Variants in ZNF280D observed in about 807,000 individuals in gnomAD.
ZNF280D encodes the protein suppressor of hairy wing homolog 4.
ZNF280D carries 39 observed loss-of-function variants against 94.7 expected under a neutral mutation model. The observed-to-expected ratio is 0.41, with a 90% CI of 0.32 to 0.54. The LOEUF (loss-of-function observed/expected upper bound fraction) is 0.54. ZNF280D is among the 20% of genes least tolerant of loss of function. The pLI is 0.22. For synonymous variants in ZNF280D, 398 were observed against 377.6 expected (o/e 1.05, Z -0.63); for missense variants, 1,090 against 1,149.3 (o/e 0.95, Z 0.75).
At chr15:56,653,834 T>C in intron 19 of ZNF280D, 1 of 1,244,952 alleles carries the variant, frequency 8.0e-7, no homozygotes, top group Admixed American at 4.1e-5. Flanking sequence ...CAGCGCAAAC[T>C]GGAGAAAAAA....
chr15:56,710,671 T>A (rs1445170461), intron 1 of ZNF280D, among the ~76,000 whole-genome samples: 1 of 152,064 alleles, frequency 6.6e-6, no homozygotes, highest in African/African-American at 2.4e-5. Flanking sequence ...TAAAAAAAAT[T>A]AGAAATCAAT....
chr15:56,677,292 C>T (rs770789789), intron 12 of ZNF280D, among the ~76,000 whole-genome samples: 5 of 152,262 alleles, frequency 3.3e-5, no homozygotes, highest in Non-Finnish European at 7.4e-5. Context: ...TATCTAACAG[C>T]ACTTTGTATT....
At chr15:56,684,238 G>C (rs551138207) in intron 9 of ZNF280D, among the ~76,000 whole-genome samples, 41 of 152,280 alleles carry the variant, frequency 2.7e-4, no homozygotes, top group African/African-American at 9.6e-4. Context: ...AAAGGAACTT[G>C]TATAAAACAG....
chr15:56,696,884 G>A (rs1211247161), intron 6 of ZNF280D, among the ~76,000 whole-genome samples: 2 of 152,142 alleles, frequency 1.3e-5, no homozygotes, highest in African/African-American at 4.8e-5. Context: ...CAGCTGAGGT[G>A]CTTTGATTTA....
chr15:56,649,648 T>C (rs1173146359), intron 19 of ZNF280D, among the ~76,000 whole-genome samples: 1 of 151,386 alleles, frequency 6.6e-6, no homozygotes, highest in Non-Finnish European at 1.5e-5. Flanking sequence ...TGAAATGAAG[T>C]CTCCCAACAA....
At chr15:56,640,674 A>G (rs1277829745) in intron 20 of ZNF280D, among the ~76,000 whole-genome samples, 1 of 152,146 alleles carries the variant, frequency 6.6e-6, no homozygotes, top group Non-Finnish European at 1.5e-5. Flanking sequence ...AACAAGTGAC[A>G]ATCATAAAAA....
At chr15:56,637,526 C>G (rs751078749) in intron 20 of ZNF280D, among the ~76,000 whole-genome samples, 1 of 152,036 alleles carries the variant, frequency 6.6e-6, no homozygotes, top group African/African-American at 2.4e-5. Context: ...AAGAATCAGT[C>G]AGTTCAGCAC....
chr15:56,631,377 T>C lies in ZNF280D; in HGVS notation c.*121A>G. On this transcript the variant is annotated 3_prime_UTR_variant, in exon 22 of 22. Transcript: ENST00000267807. The stretch of plus-strand genomic sequence containing the variant: ...ATAGGTTGAACATACAGGTAAAGTG[T>C]ATGTGTGACCTCCCTTACATATTTC... The C allele has an allele frequency of 1.0e-6, 1 of 996,890 alleles. No homozygotes were observed. The highest frequency in any genetic ancestry group is 2.2e-4 in the Middle Eastern group (1 of 4,618). The allele number at this position is 996,890 out of a possible 1,614,324, so 61.8% of individuals were successfully genotyped here. A position where few individuals can be genotyped will look rare whatever the true frequency, so the allele number is the denominator to read the frequency against.
At chr15:56,658,393 TAGAA>T in intron 17 of ZNF280D, 27 bp downstream of exon 17, 1 of 1,537,172 alleles carries the variant, frequency 6.5e-7, no homozygotes, top group Non-Finnish European at 8.8e-7. Flanking sequence ...AATTTTTCAA[TAGAA>T]AGAGTAAAAA....
intron 16 of ZNF280D, among the ~76,000 whole-genome samples, chr15:56,660,246 C>T (rs763122183): frequency 3.9e-5 from 6 of 152,000 alleles, no homozygotes; most frequent in African/African-American, 7.2e-5. Context: ...TATTTTTAAA[C>T]GAGATTTAAA....
intron 11 of ZNF280D, 98 bp from the exon 12 acceptor site, chr15:56,677,772 G>C (rs1400215695): frequency 2.5e-6 from 1 of 395,444 alleles, no homozygotes; most frequent in African/African-American, 2.2e-5. Flanking sequence ...TAGCAGTAGG[G>C]ACAGTTGTGA....
At chr15:56,717,211 G>A (rs2058093959) in intron 1 of ZNF280D, among the ~76,000 whole-genome samples, 1 of 152,096 alleles carries the variant, frequency 6.6e-6, no homozygotes, top group African/African-American at 2.4e-5. Flanking sequence ...AGGAAGAATG[G>A]TTTTCCAAAG....
chr15:56,641,792 C>T (rs996283651), intron 20 of ZNF280D, among the ~76,000 whole-genome samples: 11 of 151,008 alleles, frequency 7.3e-5, no homozygotes, highest in African/African-American at 2.4e-4. Flanking sequence ...AATGTAAATG[C>T]GATAAACAGA....
At chr15:56,719,768 T>A (rs1320309817) in intron 1 of ZNF280D, among the ~76,000 whole-genome samples, 1 of 151,954 alleles carries the variant, frequency 6.6e-6, no homozygotes, top group South Asian at 2.1e-4. Context: ...GTCACACGCA[T>A]TGTTTGGTTT....
In ZNF280D at chr15:56,668,774, A is replaced by C. The variant is rs377053073; in HGVS notation, c.1545+49T>G. 4.0e-4 allele frequency: 590 copies of C among 1,478,332 alleles called. 7 individuals carry two copies. In the South Asian group the frequency reaches 6.5e-3, roughly 16 times the overall value. The allele number at this position is 1,478,332 out of a possible 1,614,324, so 91.6% of individuals were successfully genotyped here. On this transcript the variant is annotated intron_variant, in intron 14 of 21. Coordinates refer to ENST00000267807, the MANE Select transcript of ZNF280D (RefSeq NM_017661.4). ...CAATATATAAAGCCGGGCAGGAGTT[A>C]ATTTCTATTATCATACAAAATGTTA...
At chr15:56,700,362 G>T in intron 6 of ZNF280D, 1 of 454,134 alleles carries the variant, frequency 2.2e-6, no homozygotes, top group African/African-American at 2.1e-5. Context: ...TACTTCATGG[G>T]GATGTTTAAG....
At chr15:56,638,508 A>T (rs2052461756) in intron 20 of ZNF280D, among the ~76,000 whole-genome samples, 1 of 152,160 alleles carries the variant, frequency 6.6e-6, no homozygotes, top group Non-Finnish European at 1.5e-5. Context: ...GAGGCTGGGT[A>T]TTCTTCATAC....
Position 56,631,561 on chromosome 15 carries a change from T to A in ZNF280D, c.2877A>T (p.Gly959=). The change falls in exon 22 of 22, where the codon GGA becomes GGT. Residue 959 remains glycine (G), a synonymous_variant. Coordinates refer to ENST00000267807, the MANE Select transcript of ZNF280D (RefSeq NM_017661.4). The part of the protein sequence containing the change: ...VVSDQTDDIP[G]GNNPSTTEAT... The stretch of plus-strand genomic sequence containing the variant: ...CCTCTGTTGTGCTAGGGTTATTTCC[T>A]CCAGGAATGTCATCTGTTTGATCAG... The A allele has an allele frequency of 6.2e-7, 1 of 1,614,088 alleles. No individual in the cohort carries two copies. Among genetic ancestry groups the A allele is most frequent in the Non-Finnish European group, 8.5e-7 (1 of 1,179,998 alleles).
chr15:56,716,130 A>G (rs1671706021), intron 1 of ZNF280D, among the ~76,000 whole-genome samples: 1 of 152,244 alleles, frequency 6.6e-6, no homozygotes, highest in South Asian at 2.1e-4. Context: ...ATACTAAGGG[A>G]CAGCTGTACT....
Sources: allele counts gnomAD v4.1 joint callset (sites outside exome capture counted in the v4.1 genomes callset), GRCh38; gene constraint gnomAD v4.1.1; transcripts MANE v1.5; gene names NCBI Gene and HGNC (gene_info 2026-07-23, HGNC 2026-07-21).